Variants in PPP5C observed in about 807,000 individuals in gnomAD.
The protein encoded by PPP5C is serine/threonine-protein phosphatase 5.
A neutral mutation model predicts 66.7 loss-of-function variants in PPP5C; 21 were observed. The observed-to-expected ratio is 0.31, with a 90% CI of 0.22 to 0.45. The LOEUF (loss-of-function observed/expected upper bound fraction) is 0.45. PPP5C is among the 20% of genes least tolerant of loss of function. PPP5C has a pLI of 1.00. For synonymous variants in PPP5C, 246 were observed against 257.4 expected, an observed-to-expected ratio of 0.96 and a Z score of 0.43; for missense variants, 464 against 675.9, an observed-to-expected ratio of 0.69 and a Z score of 3.48.
chr19:46,375,555 T>G, intron 2 of PPP5C, 49 bp from the exon 3 acceptor site: 1 of 1,605,212 alleles, frequency 6.2e-7, no homozygotes, highest in African/African-American at 1.3e-5. Flanking sequence ...GGGCAACCGC[T>G]GTGCCCCCAC....
intron 1 of PPP5C, among the ~76,000 whole-genome samples, chr19:46,349,757 G>A (rs764065341): frequency 2.6e-4 from 39 of 152,084 alleles, no homozygotes; most frequent in Non-Finnish European, 5.0e-4. Context: ...GGTGGTGATC[G>A]CCAGCCAGGC....
At chr19:46,354,018 A>C (rs1439711473) in intron 2 of PPP5C, 29 bp downstream of exon 2, 1 of 1,606,966 alleles carries the variant, frequency 6.2e-7, no homozygotes, top group Non-Finnish European at 8.5e-7. Context: ...CAGGCCTGGC[A>C]CCTGAGCCAG....
rs531823146 is a variant in PPP5C at position 46,354,166 on chromosome 19, A to G, written c.363+177A>G. Among the ~76,000 whole-genome samples the G allele has an allele frequency of 2.0e-5, 3 of 152,342 alleles. No homozygotes were observed. In the South Asian group the frequency reaches 6.2e-4, roughly 32 times the overall value. On this transcript the variant is annotated intron_variant, in intron 2 of 12. Transcript: ENST00000012443. The stretch of plus-strand genomic sequence containing the variant: ...ACCCAGGCCACAGCTCTGCTCAGCC[A>G]TCTCACATTTTGTGACCCTGAGCCA...
rs1488630527 is a variant in PPP5C at position 46,376,006 on chromosome 19, G to C, written c.511+255G>C. Among the ~76,000 whole-genome samples the C allele has an allele frequency of 6.6e-6, 1 of 152,174 alleles. No homozygotes were observed. The highest frequency in any genetic ancestry group is 1.9e-4 in the East Asian group (1 of 5,178). On this transcript the variant is annotated intron_variant, in intron 3 of 12. Coordinates refer to ENST00000012443, the MANE Select transcript of PPP5C (RefSeq NM_006247.4). This position sits in a 1 kb window ranked among gnomAD's most constrained non-coding sequence, Gnocchi z 5.1. ...GGCCCTTCCTCCGGGTAGTAGCACA[G>C]TCCCCACAGGCTGTGTCTGATTCAC...
At chr19:46,355,827 G>T (rs1972275677) in intron 2 of PPP5C, among the ~76,000 whole-genome samples, 1 of 152,106 alleles carries the variant, frequency 6.6e-6, no homozygotes, top group Non-Finnish European at 1.5e-5. Context: ...AGGTGGGAAG[G>T]GGGCCTGGGG....
chr19:46,387,876 C>G (rs978520553), intron 9 of PPP5C: 1 of 494,480 alleles, frequency 2.0e-6, no homozygotes, highest in Non-Finnish European at 3.2e-6. Flanking sequence ...GAAGGCCTCT[C>G]CAGGGAGGCG....
intron 2 of PPP5C, among the ~76,000 whole-genome samples, chr19:46,363,639 C>T (rs1972440986): frequency 6.6e-6 from 1 of 151,890 alleles, no homozygotes; most frequent in African/African-American, 2.4e-5. Flanking sequence ...CCATGTTGGC[C>T]AGATGGTCTC....
intron 2 of PPP5C, among the ~76,000 whole-genome samples, chr19:46,358,526 G>A (rs558380959): frequency 1.1e-4 from 17 of 152,180 alleles, no homozygotes; most frequent in Middle Eastern, 3.4e-3. Context: ...TTATTCATTC[G>A]TTTACCCTCG....
At chr19:46,377,207 C>T (rs1475868345) in intron 4 of PPP5C, among the ~76,000 whole-genome samples, 1 of 152,142 alleles carries the variant, frequency 6.6e-6, no homozygotes, top group Non-Finnish European at 1.5e-5. Context: ...TATGGGAAGC[C>T]GCCATTTGAT....
At chr19:46,375,259 G>A (rs1236713816) in intron 2 of PPP5C, among the ~76,000 whole-genome samples, 3 of 152,176 alleles carry the variant, frequency 2.0e-5, no homozygotes, top group Non-Finnish European at 1.5e-5. Context: ...TGGTAGTCAC[G>A]ATAGTAGCAT....
chr19:46,385,929 G>A (rs550209120), intron 7 of PPP5C, among the ~76,000 whole-genome samples: 1 of 148,744 alleles, frequency 6.7e-6, no homozygotes, highest in Non-Finnish European at 1.5e-5. Flanking sequence ...GGGCAACAGA[G>A]CAAGACCCTG....
chr19:46,384,018 G>A, intron 6 of PPP5C, 140 bp downstream of exon 6: 2 of 740,098 alleles, frequency 2.7e-6, no homozygotes, highest in Non-Finnish European at 2.2e-6. Flanking sequence ...GGGCACCAAG[G>A]TGTGGGTGGA....
rs530786454 is a variant in PPP5C at position 46,352,774 on chromosome 19, C to T, written c.122-974C>T. ...GGCGGAGCTTGCAGTGAGCGGAGAT[C>T]GCACCGCTGCACTCCAGCCTGGGCG... is the stretch of plus-strand genomic sequence containing the variant. On this transcript the variant is annotated intron_variant, in intron 1 of 12. Coordinates refer to ENST00000012443, the MANE Select transcript of PPP5C (RefSeq NM_006247.4). Among the ~76,000 whole-genome samples the T allele has an allele frequency of 4.0e-5, 6 of 148,244 alleles. No individual in the cohort carries two copies. In the East Asian group the frequency reaches 8.1e-4, roughly 20 times the overall value.
chr19:46,387,591 A>G (rs545271817), intron 9 of PPP5C, 138 bp downstream of exon 9: 1 of 1,551,204 alleles, frequency 6.4e-7, no homozygotes, highest in East Asian at 2.4e-5. Flanking sequence ...CAGTTTCCTC[A>G]CCTGCGACTT....
At chr19:46,365,477 G>A (rs994620876) in intron 2 of PPP5C, among the ~76,000 whole-genome samples, 3 of 152,186 alleles carry the variant, frequency 2.0e-5, no homozygotes, top group African/African-American at 4.8e-5. Flanking sequence ...ATATTGCGTC[G>A]AGGTGTGCCG....
chr19:46,356,490 G>A (rs753049776), intron 2 of PPP5C, among the ~76,000 whole-genome samples: 1 of 152,218 alleles, frequency 6.6e-6, no homozygotes, highest in African/African-American at 2.4e-5. Context: ...CCTTAGCCTC[G>A]GTTTCCTCAG....
At chr19:46,379,503 A>G (rs557452605) in intron 4 of PPP5C, among the ~76,000 whole-genome samples, 100 of 152,238 alleles carry the variant, frequency 6.6e-4, no homozygotes, top group African/African-American at 2.3e-3. Context: ...TTACCTTTTA[A>G]TTGGAGTGTT....
Position 46,383,403 on chromosome 19 carries a change from C to T in PPP5C, c.634-8C>T, listed in dbSNP as rs1972828812. ...AGCCGGTCCCACTGAGTCTGCCCTG[C>T]CTTCCAGATTCTGGTACAGGTCAAA... On this transcript the variant is annotated splice_region_variant and splice_polypyrimidine_tract_variant and intron_variant, in intron 4 of 12. Transcript: ENST00000012443. The surrounding 1 kb of genome is among the most constrained non-coding windows in gnomAD (Gnocchi z 5.0). The T allele has an allele frequency of 6.2e-7, 1 of 1,610,304 alleles. No homozygotes were observed. Among genetic ancestry groups the T allele is most frequent in the Admixed American group, 1.7e-5 (1 of 59,664 alleles).
At chr19:46,359,769 G>A (rs931570525) in intron 2 of PPP5C, among the ~76,000 whole-genome samples, 2 of 144,492 alleles carry the variant, frequency 1.4e-5, no homozygotes, top group South Asian at 2.2e-4. Context: ...GAGGAATTTC[G>A]GATTAGACTT....
Sources: allele counts gnomAD v4.1 joint callset (sites outside exome capture counted in the v4.1 genomes callset), GRCh38; gene constraint gnomAD v4.1.1; non-coding constraint Gnocchi (gnomAD v3.1); transcripts MANE v1.5; gene names NCBI Gene and HGNC (gene_info 2026-07-23, HGNC 2026-07-21).